KCNMA1: variants seen among roughly 807,000 people sequenced by gnomAD.
KCNMA1 encodes Calcium-activated potassium channel subunit alpha-1.
KCNMA1 carries 29 observed loss-of-function variants against 140.0 expected under a neutral mutation model. The ratio of observed to expected loss-of-function variants is 0.21; its 90% CI spans 0.15 to 0.28. The LOEUF (loss-of-function observed/expected upper bound fraction) is 0.28. KCNMA1 is among the 10% of genes least tolerant of loss of function. The probability of loss-of-function intolerance (pLI) is 1.00; values close to 1 mark genes in which losing one functional copy is unlikely to be tolerated. For missense variants in KCNMA1, 880 were observed against 1,602.2 expected, an observed-to-expected ratio of 0.55 and a Z score of 7.70; for synonymous variants, 612 against 611.9, an observed-to-expected ratio of 1.00 and a Z score of 0.00.
At chr10:77,236,516 T>C (rs2055523774) in intron 3 of KCNMA1, among the ~76,000 whole-genome samples, 1 of 152,140 alleles carries the variant, frequency 6.6e-6, no homozygotes, top group Admixed American at 6.5e-5. Context: ...GGGACCCAAC[T>C]CTAGCCTGCC....
chr10:77,471,601 C>A (rs1319907702), intron 1 of KCNMA1, among the ~76,000 whole-genome samples: 1 of 150,170 alleles, frequency 6.7e-6, no homozygotes, highest in East Asian at 2.0e-4. Flanking sequence ...CACACACACA[C>A]CACACACACT....
chr10:76,885,534 T>A lies in KCNMA1; in HGVS notation c.*1732A>T, dbSNP rs1318951307. The A allele has an allele frequency of 1.0e-6, 1 of 985,138 alleles. No individual in the cohort carries two copies. The highest frequency in any genetic ancestry group is 1.2e-6 in the Non-Finnish European group (1 of 829,906). 61.0% of individuals were successfully genotyped at this position (985,138 alleles called of 1,614,324 possible). A position where few individuals can be genotyped will look rare whatever the true frequency, so the allele number is the denominator to read the frequency against. ...CTATCATGCTTGAGGGGACGGGGGA[T>A]CCAAAATCTAAATCCAAAACATTCA... On this transcript the variant is annotated 3_prime_UTR_variant, in exon 28 of 28. Coordinates refer to ENST00000286628, the MANE Select transcript of KCNMA1 (RefSeq NM_001161352.2).
intron 5 of KCNMA1, among the ~76,000 whole-genome samples, chr10:77,125,530 C>T (rs1399684947): frequency 1.3e-5 from 2 of 152,208 alleles, no homozygotes; most frequent in African/African-American, 4.8e-5. Context: ...CCTTGATCAG[C>T]GTGACTTTCC....
At chr10:77,462,117 C>T (rs1337977634) in intron 1 of KCNMA1, among the ~76,000 whole-genome samples, 2 of 151,778 alleles carry the variant, frequency 1.3e-5, no homozygotes, top group Non-Finnish European at 2.9e-5. Context: ...CATGCACACA[C>T]TAACATAAAC....
rs974833389 is a variant in KCNMA1, at chr10:77,260,651, G to T, written c.541-9395C>A. On this transcript the variant is annotated intron_variant, in intron 2 of 27. Coordinates refer to ENST00000286628, the MANE Select transcript of KCNMA1 (RefSeq NM_001161352.2). Reference sequence around the variant, plus strand: ...TTGAACCCCAGTGGTGGAGGTTGCAGTGAGCTGAGATCATACCACTGTACT... The same window carrying T: ...TTGAACCCCAGTGGTGGAGGTTGCATTGAGCTGAGATCATACCACTGTACT... Among the ~76,000 whole-genome samples the T allele has an allele frequency of 4.6e-5, 7 of 152,316 alleles. No individual in the cohort carries two copies. The South Asian group carries it at 1.2e-3, about 27-fold the overall frequency.
At chr10:77,306,812 C>G (rs910132463) in intron 2 of KCNMA1, among the ~76,000 whole-genome samples, 3 of 152,052 alleles carry the variant, frequency 2.0e-5, no homozygotes, top group Admixed American at 2.0e-4. Context: ...GAGGTAGGAC[C>G]GATTAGGGCT....
intron 9 of KCNMA1, among the ~76,000 whole-genome samples, chr10:77,102,799 G>C (rs1251642884): frequency 6.6e-6 from 1 of 152,170 alleles, no homozygotes; most frequent in Non-Finnish European, 1.5e-5. Context: ...CAGAATCTTA[G>C]TCTTTTCTGG....
chr10:77,568,973 C>T (rs1223824364), intron 1 of KCNMA1, among the ~76,000 whole-genome samples: 1 of 143,764 alleles, frequency 7.0e-6, no homozygotes, highest in Non-Finnish European at 1.5e-5. Flanking sequence ...CATGAGTGAA[C>T]TCCCATTCAC....
At chr10:77,176,331 G>A (rs1597955784) in intron 5 of KCNMA1, among the ~76,000 whole-genome samples, 1 of 152,210 alleles carries the variant, frequency 6.6e-6, no homozygotes, top group African/African-American at 2.4e-5. Context: ...TGGAGGTTAT[G>A]CAGACCTAAT....
intron 1 of KCNMA1, among the ~76,000 whole-genome samples, chr10:77,595,437 A>G (rs549386960): frequency 6.6e-6 from 1 of 151,466 alleles, no homozygotes; most frequent in African/African-American, 2.4e-5. Flanking sequence ...TAAAAATGAG[A>G]CCATATAAAA....
intron 1 of KCNMA1, among the ~76,000 whole-genome samples, chr10:77,408,693 T>A (rs1386526757): frequency 2.0e-5 from 3 of 151,386 alleles, no homozygotes; most frequent in Non-Finnish European, 4.4e-5. Flanking sequence ...GAGGGAAGAA[T>A]AGGGAGAAAA....
intron 1 of KCNMA1, among the ~76,000 whole-genome samples, chr10:77,453,516 A>G (rs1467307924): frequency 6.6e-6 from 1 of 152,194 alleles, no homozygotes; most frequent in African/African-American, 2.4e-5. Flanking sequence ...AGTCAGGGGA[A>G]GACAGCAATC....
At chr10:77,059,697 A>G (rs1252695220) in intron 14 of KCNMA1, among the ~76,000 whole-genome samples, 1 of 152,174 alleles carries the variant, frequency 6.6e-6, no homozygotes, top group African/African-American at 2.4e-5. Context: ...AGAAATGGGA[A>G]GGAACTCCCT....
At chr10:77,358,890 C>T (rs982164957) in intron 2 of KCNMA1, among the ~76,000 whole-genome samples, 9 of 152,202 alleles carry the variant, frequency 5.9e-5, no homozygotes, top group Non-Finnish European at 7.3e-5. Context: ...TCATCCCTGT[C>T]GTCATCTGTC....
chr10:77,118,798 C>A (rs1290192989), intron 6 of KCNMA1, among the ~76,000 whole-genome samples: 1 of 152,194 alleles, frequency 6.6e-6, no homozygotes. Flanking sequence ...GGTGGCCTGG[C>A]CCCCTACGCA....
intron 18 of KCNMA1, among the ~76,000 whole-genome samples, chr10:77,004,420 A>G (rs1353818256): frequency 6.6e-6 from 1 of 152,132 alleles, no homozygotes; most frequent in African/African-American, 2.4e-5. Context: ...GTCCATTTCC[A>G]TTGACTCCCT....
intron 3 of KCNMA1, among the ~76,000 whole-genome samples, chr10:77,218,693 T>C (rs1257608148): frequency 6.6e-6 from 1 of 152,174 alleles, no homozygotes; most frequent in Non-Finnish European, 1.5e-5. Flanking sequence ...TTTACTGATT[T>C]ATTTATTTAT....
intron 1 of KCNMA1, among the ~76,000 whole-genome samples, chr10:77,463,779 C>T (rs540625891): frequency 6.6e-6 from 1 of 152,052 alleles, no homozygotes; most frequent in African/African-American, 2.4e-5. Flanking sequence ...TAGGGGGTGG[C>T]AGAGAAGGGA....
At chr10:77,177,167 G>A (rs2098757576) in intron 5 of KCNMA1, among the ~76,000 whole-genome samples, 1 of 152,108 alleles carries the variant, frequency 6.6e-6, no homozygotes, top group Admixed American at 6.5e-5. Flanking sequence ...AGAACTGCTT[G>A]GAAATAGAAA....
Sources: allele counts gnomAD v4.1 joint callset (sites outside exome capture counted in the v4.1 genomes callset), GRCh38; gene constraint gnomAD v4.1.1; transcripts MANE v1.5; gene names NCBI Gene and HGNC (gene_info 2026-07-23, HGNC 2026-07-21).